SORCS3: variants seen among roughly 807,000 people sequenced by gnomAD.
SORCS3 encodes the protein VPS10 domain-containing receptor SorCS3.
Under a neutral mutation model 146.3 loss-of-function variants are expected in SORCS3, and 57 were observed. That is an observed-to-expected ratio of 0.39 (90% CI 0.31 to 0.49). The LOEUF (loss-of-function observed/expected upper bound fraction) is 0.49, where lower values mean the gene tolerates loss of function less well. SORCS3 is among the 20% of genes least tolerant of loss of function. The pLI, the probability that SORCS3 is intolerant of heterozygous loss-of-function variation, is 0.92. For synonymous variants in SORCS3, 653 were observed against 618.5 expected (o/e 1.06, Z -0.83); for missense variants, 1,341 against 1,575.5 (o/e 0.85, Z 2.52).
intron 4 of SORCS3, among the ~76,000 whole-genome samples, chr10:105,033,434 A>G (rs561574007): frequency 6.6e-6 from 1 of 152,292 alleles, no homozygotes; most frequent in East Asian, 1.9e-4. Flanking sequence ...ATGTGTGAAA[A>G]GAACTGTCCA....
rs905997858 is a variant in SORCS3, at chr10:105,019,040, T to C, written c.955-24015T>C. 4.6e-5 allele frequency among the ~76,000 whole-genome samples: 7 copies of C among 152,312 alleles called. No homozygotes were observed. The East Asian group carries it at 1.2e-3, about 25-fold the overall frequency. On this transcript the variant is annotated intron_variant, in intron 4 of 26. Transcript: ENST00000369701. ...GTCCTATCACTGTCTTCACTTCCTT[T>C]TTATTTTCATTGTTATCACCTCATT...
chr10:105,229,993 G>A (rs959110326), intron 20 of SORCS3, among the ~76,000 whole-genome samples: 6 of 152,156 alleles, frequency 3.9e-5, no homozygotes, highest in African/African-American at 1.4e-4. Context: ...TGGCTGCAAT[G>A]GGTTAGTGGT....
chr10:104,824,379 T>C (rs1028211265), intron 1 of SORCS3, among the ~76,000 whole-genome samples: 3 of 152,206 alleles, frequency 2.0e-5, no homozygotes, highest in African/African-American at 7.2e-5. Flanking sequence ...TGTATAAGCA[T>C]GTATCTCCCT....
chr10:105,193,175 G>A (rs2056526173), intron 14 of SORCS3, among the ~76,000 whole-genome samples: 1 of 152,102 alleles, frequency 6.6e-6, no homozygotes, highest in African/African-American at 2.4e-5. Context: ...GTTATTTAGG[G>A]TCCCAGCAAA....
Position 104,866,824 on chromosome 10 carries a change from T to C in SORCS3, c.695+23965T>C, listed in dbSNP as rs531824725. Among the ~76,000 whole-genome samples, 4 of 152,328 alleles carry C rather than the reference T, an allele frequency of 2.6e-5. No individual in the cohort carries two copies. The South Asian group carries it at 8.3e-4, about 32-fold the overall frequency. On this transcript the variant is annotated intron_variant, in intron 2 of 26. Coordinates refer to ENST00000369701, the MANE Select transcript of SORCS3 (RefSeq NM_014978.3). ...TTTTATTTTTTGCCCATAATCTCTT[T>C]TGGGGTATGTCAATTTTGAACAGTC...
At chr10:104,677,839 C>A (rs1006129671) in intron 1 of SORCS3, among the ~76,000 whole-genome samples, 3 of 152,118 alleles carry the variant, frequency 2.0e-5, no homozygotes, top group African/African-American at 7.2e-5. Flanking sequence ...ATCTTCATTC[C>A]TGGAAACATA....
chr10:105,092,717 C>T (rs553289372), intron 6 of SORCS3, among the ~76,000 whole-genome samples: 16 of 151,886 alleles, frequency 1.1e-4, no homozygotes, highest in Admixed American at 2.0e-4. Flanking sequence ...TAGTTTAACT[C>T]AAATTTGCCC....
At chr10:105,003,442 A>G (rs1002635594) in intron 4 of SORCS3, among the ~76,000 whole-genome samples, 2 of 152,032 alleles carry the variant, frequency 1.3e-5, no homozygotes, top group Non-Finnish European at 2.9e-5. Context: ...CTCATCTGTA[A>G]TATGGGGATT....
At chr10:104,674,593 G>A (rs115004427) in intron 1 of SORCS3, among the ~76,000 whole-genome samples, 287 of 152,278 alleles carry the variant, frequency 1.9e-3, no homozygotes, top group African/African-American at 6.6e-3. Flanking sequence ...GACATCTTTC[G>A]TAATGCCTTG....
At chr10:104,961,361 C>A (rs760493150) in intron 3 of SORCS3, among the ~76,000 whole-genome samples, 5 of 152,120 alleles carry the variant, frequency 3.3e-5, no homozygotes, top group Non-Finnish European at 7.4e-5. Context: ...TCGTAGAAAT[C>A]CATGTCTGGG....
At chr10:105,089,871 G>A (rs1199085840) in intron 6 of SORCS3, 32 bp downstream of exon 6, 2 of 1,584,090 alleles carry the variant, frequency 1.3e-6, no homozygotes, top group Non-Finnish European at 1.7e-6. Flanking sequence ...CTAGGCCCAG[G>A]GAGATCTGCC....
intron 3 of SORCS3, among the ~76,000 whole-genome samples, chr10:104,916,430 C>G (rs2133600583): frequency 6.6e-6 from 1 of 152,240 alleles, no homozygotes; most frequent in Middle Eastern, 3.4e-3. Flanking sequence ...CAGCTCCTGG[C>G]TTCTTCAACT....
chr10:104,661,221 C>T (rs1213086659), intron 1 of SORCS3, among the ~76,000 whole-genome samples: 1 of 152,138 alleles, frequency 6.6e-6, no homozygotes, highest in East Asian at 1.9e-4. Context: ...TAACCATTTT[C>T]TCTTCTTTCT....
chr10:104,945,705 G>T, intron 3 of SORCS3, among the ~76,000 whole-genome samples: 1 of 150,504 alleles, frequency 6.6e-6, no homozygotes, highest in East Asian at 2.0e-4. Flanking sequence ...AAACTATTTT[G>T]TTATGTTAAG....
At chr10:104,697,001 T>C (rs2016224318) in intron 1 of SORCS3, among the ~76,000 whole-genome samples, 1 of 151,346 alleles carries the variant, frequency 6.6e-6, no homozygotes, top group African/African-American at 2.4e-5. Context: ...GTACAATGGA[T>C]ACAAAATTTC....
chr10:104,977,112 C>T (rs1190849929), intron 3 of SORCS3, among the ~76,000 whole-genome samples: 1 of 151,390 alleles, frequency 6.6e-6, no homozygotes, highest in Non-Finnish European at 1.5e-5. Flanking sequence ...AAAAATGAAA[C>T]CTTCTTCTAT....
At chr10:104,720,140 C>T (rs2016529000) in intron 1 of SORCS3, among the ~76,000 whole-genome samples, 1 of 151,976 alleles carries the variant, frequency 6.6e-6, no homozygotes. Flanking sequence ...CCCGACCCCA[C>T]AACAGGCCCC....
rs574615630 is a variant in SORCS3, at chr10:104,779,881, G to A, written c.628-62911G>A. Among the ~76,000 whole-genome samples the A allele has an allele frequency of 7.9e-4, 121 of 152,310 alleles. 1 individual carries two copies. The highest frequency in any genetic ancestry group is 1.4e-3 in the African/African-American group (59 of 41,568). Reference sequence around the variant, plus strand: ...CTCCGCCATGTTGATTGGTGAGGGCGGTGTATGTCAGTGCTGAGTAACGTG... The same window carrying A: ...CTCCGCCATGTTGATTGGTGAGGGCAGTGTATGTCAGTGCTGAGTAACGTG... On this transcript the variant is annotated intron_variant, in intron 1 of 26. Transcript: ENST00000369701.
chr10:104,951,323 T>C (rs773497967), intron 3 of SORCS3, among the ~76,000 whole-genome samples: 1 of 152,210 alleles, frequency 6.6e-6, no homozygotes, highest in Non-Finnish European at 1.5e-5. Context: ...GACTTGATTT[T>C]TTAAAATTTA....
Sources: gnomAD v4.1 joint callset for allele counts (sites outside exome capture counted in the v4.1 genomes callset) on GRCh38, gnomAD v4.1.1 for gene constraint, MANE v1.5 for transcripts, NCBI Gene and HGNC (gene_info 2026-07-23, HGNC 2026-07-21) for gene names.